PTPRD: variants seen among roughly 807,000 people sequenced by gnomAD.
PTPRD encodes the protein receptor-type tyrosine-protein phosphatase delta.
PTPRD carries 34 observed loss-of-function variants against 214.5 expected under a neutral mutation model. The ratio of observed to expected loss-of-function variants is 0.16; its 90% CI spans 0.12 to 0.21. The LOEUF (loss-of-function observed/expected upper bound fraction) is 0.21. PTPRD is among the 10% of genes least tolerant of loss of function. The probability of loss-of-function intolerance (pLI) is 1.00; values close to 1 mark genes in which losing one functional copy is unlikely to be tolerated. For synonymous variants in PTPRD, 1,128 were observed against 845.7 expected (o/e 1.33, Z -5.79); for missense variants, 2,545 against 2,398.7 (o/e 1.06, Z -1.27).
At chr9:9,042,505 A>G (rs925569887) in intron 10 of PTPRD, among the ~76,000 whole-genome samples, 6 of 151,984 alleles carry the variant, frequency 3.9e-5, no homozygotes, top group Admixed American at 3.3e-4. Flanking sequence ...AGGAGAAAAG[A>G]TGTGCCAGGC....
At chr9:10,549,729 T>C (rs1001361023) in intron 2 of PTPRD, among the ~76,000 whole-genome samples, 10 of 152,184 alleles carry the variant, frequency 6.6e-5, no homozygotes, top group African/African-American at 2.4e-4. Flanking sequence ...TGTACTTCTA[T>C]GTTGTTTGTC....
intron 4 of PTPRD, among the ~76,000 whole-genome samples, chr9:9,973,301 CAAAA>C (rs747369676): frequency 4.0e-5 from 3 of 74,194 alleles, no homozygotes; most frequent in African/African-American, 8.8e-5. Flanking sequence ...CCTTGTCTTT[CAAAA>C]AAAAAAAAAA....
chr9:10,361,403 G>C (rs965211893), intron 2 of PTPRD, among the ~76,000 whole-genome samples: 2 of 152,130 alleles, frequency 1.3e-5, no homozygotes, highest in African/African-American at 2.4e-5. Context: ...TCAGACCACA[G>C]TTTGTGAACC....
At chr9:9,562,193 A>C (rs928761228) in intron 8 of PTPRD, among the ~76,000 whole-genome samples, 33 of 152,138 alleles carry the variant, frequency 2.2e-4, no homozygotes, top group African/African-American at 7.7e-4. Flanking sequence ...TTAAGTTCTT[A>C]GCTCTCAAAT....
chr9:8,611,817 A>AGGAGAGGAGG, intron 14 of PTPRD, among the ~76,000 whole-genome samples: 1 of 149,454 alleles, frequency 6.7e-6, no homozygotes, highest in Admixed American at 6.6e-5. Flanking sequence ...AGGAGAGGAG[A>AGGAGAGGAGG]AGAGAGGAGG....
chr9:9,712,397 T>TA (rs5896349), intron 7 of PTPRD, among the ~76,000 whole-genome samples: 3 of 152,134 alleles, frequency 2.0e-5, no homozygotes, highest in Non-Finnish European at 2.9e-5. Flanking sequence ...GTAATTTAAT[T>TA]AAAAAAAATT....
At chr9:9,820,374 G>A (rs996054191) in intron 5 of PTPRD, among the ~76,000 whole-genome samples, 1 of 152,010 alleles carries the variant, frequency 6.6e-6, no homozygotes, top group African/African-American at 2.4e-5. Context: ...CTTGTAGATT[G>A]TGAATATTAG....
intron 2 of PTPRD, among the ~76,000 whole-genome samples, chr9:10,444,242 T>C (rs1236051343): frequency 6.6e-6 from 1 of 151,874 alleles, no homozygotes; most frequent in Admixed American, 6.6e-5. Context: ...TATTTTATTC[T>C]ATGATGTTTA....
chr9:8,691,387 T>C (rs1158850958), intron 12 of PTPRD, among the ~76,000 whole-genome samples: 1 of 140,052 alleles, frequency 7.1e-6, no homozygotes, highest in East Asian at 2.1e-4. Context: ...GAGGCTGTTC[T>C]TCTCTAGAGA....
At chr9:10,166,886 G>C (rs986478873) in intron 3 of PTPRD, among the ~76,000 whole-genome samples, 1 of 151,920 alleles carries the variant, frequency 6.6e-6, no homozygotes, top group Non-Finnish European at 1.5e-5. Context: ...TTTATATCTT[G>C]TAGGTATACA....
At chr9:9,725,724 C>T (rs569887235) in intron 7 of PTPRD, among the ~76,000 whole-genome samples, 3 of 152,196 alleles carry the variant, frequency 2.0e-5, no homozygotes, top group African/African-American at 7.2e-5. Flanking sequence ...GAAGAATAAA[C>T]ATTTGAGAAG....
rs1458147965 is a variant in PTPRD, at chr9:8,733,864, T to C, written c.-21A>G. 1.9e-6 allele frequency: 3 copies of C among 1,549,662 alleles called. No individual in the cohort carries two copies. Among genetic ancestry groups the C allele is most frequent in the East Asian group, 2.4e-5 (1 of 40,902 alleles). ...ACCATCCTGCAGCTTGGCAGCAGCG[T>C]GCGCGAGCAGCTTGGAATCACTGCC... On this transcript the variant is annotated 5_prime_UTR_variant, in exon 12 of 46. Transcript: ENST00000381196.
At chr9:9,473,011 T>C (rs184195575) in intron 8 of PTPRD, among the ~76,000 whole-genome samples, 45 of 152,302 alleles carry the variant, frequency 3.0e-4, no homozygotes, top group African/African-American at 9.1e-4. Context: ...TTTGAAAATA[T>C]ATATGAAATT....
chr9:8,960,125 A>T (rs7851587), intron 11 of PTPRD, among the ~76,000 whole-genome samples: 144,395 of 152,140 alleles, frequency 0.95, 68,971 homozygotes, highest in East Asian at 1. Context: ...ACCTGGGACA[A>T]GTCACATAAC....
intron 10 of PTPRD, among the ~76,000 whole-genome samples, chr9:9,063,954 T>G (rs2099716276): frequency 6.6e-6 from 1 of 152,202 alleles, no homozygotes; most frequent in African/African-American, 2.4e-5. Context: ...CAGTGAAAGC[T>G]TTGCTGAATC....
chr9:10,483,895 C>T (rs761958292), intron 2 of PTPRD, among the ~76,000 whole-genome samples: 7 of 151,994 alleles, frequency 4.6e-5, no homozygotes, highest in Non-Finnish European at 8.8e-5. Flanking sequence ...AAAGTAGATC[C>T]ACCATTCAAC....
chr9:10,347,843 A>G (rs1331386217), intron 2 of PTPRD, among the ~76,000 whole-genome samples: 3 of 152,072 alleles, frequency 2.0e-5, no homozygotes, highest in Non-Finnish European at 1.5e-5. Flanking sequence ...GGATCATCTG[A>G]GGTCAGGAGT....
In PTPRD at chr9:8,520,851, C is replaced by CT. The variant is rs554867477; in HGVS notation, c.961+425dup. Reference sequence around the variant, plus strand: ...TATTACTAGACTATGTTGATTTCAACTTTTTTTTTCTTCTTTTTCCTTTGT... The same window carrying CT: ...TATTACTAGACTATGTTGATTTCAACTTTTTTTTTTCTTCTTTTTCCTTTGT... On this transcript the variant is annotated intron_variant, in intron 20 of 45. Coordinates refer to ENST00000381196, the MANE Select transcript of PTPRD (RefSeq NM_002839.4). Among the ~76,000 whole-genome samples, 14 of 151,584 alleles carry CT rather than the reference C, an allele frequency of 9.2e-5. No individual in the cohort carries two copies. In the East Asian group the frequency reaches 1.7e-3, roughly 19 times the overall value.
At chr9:8,768,435 C>G (rs147659712) in intron 11 of PTPRD, among the ~76,000 whole-genome samples, 7 of 152,002 alleles carry the variant, frequency 4.6e-5, no homozygotes, top group Non-Finnish European at 8.8e-5. Context: ...ACCTGTAGTC[C>G]CAGCTACTCA....
Sources: allele counts gnomAD v4.1 joint callset (sites outside exome capture counted in the v4.1 genomes callset), GRCh38; gene constraint gnomAD v4.1.1; transcripts MANE v1.5; gene names NCBI Gene and HGNC (gene_info 2026-07-23, HGNC 2026-07-21).